MGAT5B: variants seen among roughly 807,000 people sequenced by gnomAD.
The protein encoded by MGAT5B is alpha-1,6-mannosylglycoprotein 6-beta-N-acetylglucosaminyltransferase B.
In MGAT5B, 54 loss-of-function variants were observed where a neutral mutation model predicts 95.1. The observed-to-expected ratio is 0.57, with a 90% CI of 0.46 to 0.71. The LOEUF (loss-of-function observed/expected upper bound fraction) is 0.71. MGAT5B is among the 30% of genes least tolerant of loss of function. The pLI, the probability that MGAT5B is intolerant of heterozygous loss-of-function variation, is 0.00. For synonymous variants in MGAT5B, 464 were observed against 451.0 expected (o/e 1.03, Z -0.36); for missense variants, 935 against 1,088.6 (o/e 0.86, Z 1.99).
intron 8 of MGAT5B, chr17:76,923,809 A>G (rs1311721684): frequency 6.6e-6 from 1 of 152,038 alleles, no homozygotes; most frequent in African/African-American, 2.4e-5. Flanking sequence ...TATCCTGAGG[A>G]CCCAGTGGGG....
chr17:76,870,638 A>G lies in MGAT5B; in HGVS notation c.68+1541A>G, dbSNP rs757780590. On this transcript the variant is annotated intron_variant, in intron 1 of 17. Transcript: ENST00000569840. This position sits in a 1 kb window ranked among gnomAD's most constrained non-coding sequence, Gnocchi z 5.0. ...TTCTTTCAGGCCCTTATCTGAAGGC[A>G]GGATTGGGGGTGGAGGTGCATGGGT... Among the ~76,000 whole-genome samples the G allele has an allele frequency of 6.6e-6, 1 of 151,976 alleles. No individual in the cohort carries two copies. Among genetic ancestry groups the G allele is most frequent in the Non-Finnish European group, 1.5e-5 (1 of 67,932 alleles).
chr17:76,943,513 C>T (rs1221684942), intron 15 of MGAT5B, among the ~76,000 whole-genome samples: 2 of 151,902 alleles, frequency 1.3e-5, no homozygotes, highest in Non-Finnish European at 2.9e-5. Context: ...GACCCAGCTT[C>T]GCGTGGGAAT....
Position 76,915,028 on chromosome 17 carries a change from C to G in MGAT5B, c.1025+8841C>G, listed in dbSNP as rs959636848. On this transcript the variant is annotated intron_variant, in intron 8 of 17. Coordinates refer to ENST00000569840, the MANE Select transcript of MGAT5B (RefSeq NM_001199172.2). This position sits in a 1 kb window ranked among gnomAD's most constrained non-coding sequence, Gnocchi z 8.7. ...TAACTTGATTACCTCTGCAAAGACC[C>G]TTTTTCCAAACAAAGTCACATTCAC... Among the ~76,000 whole-genome samples, 11 of 152,164 alleles carry G rather than the reference C, an allele frequency of 7.2e-5. No homozygotes were observed. The highest frequency in any genetic ancestry group is 2.4e-4 in the African/African-American group (10 of 41,434).
intron 1 of MGAT5B, among the ~76,000 whole-genome samples, chr17:76,871,106 C>T (rs1167778972): frequency 6.6e-6 from 1 of 152,128 alleles, no homozygotes; most frequent in Non-Finnish European, 1.5e-5. Flanking sequence ...AATACAACTC[C>T]TTCACTCCCC....
In MGAT5B at chr17:76,906,266, G is replaced by T; in HGVS notation, c.1025+79G>T. 8 of 1,414,252 alleles carry T rather than the reference G, an allele frequency of 5.7e-6. No individual in the cohort carries two copies. The South Asian group carries it at 1.1e-4, about 19-fold the overall frequency. The allele number at this position is 1,414,252 out of a possible 1,614,324, so 87.6% of individuals were successfully genotyped here. A position where few individuals can be genotyped will look rare whatever the true frequency, so the allele number is the denominator to read the frequency against. On this transcript the variant is annotated intron_variant, in intron 8 of 17. Transcript: ENST00000569840. This position sits in a 1 kb window ranked among gnomAD's most constrained non-coding sequence, Gnocchi z 4.6. ...GGAACCCCACCCCTCCCTCCCAGGG[G>T]CTGTGGGAGCACCTGCTCTGCCTGC...
At chr17:76,875,653 CTTTTT>C (rs547158669) in intron 2 of MGAT5B, among the ~76,000 whole-genome samples, 5 of 67,114 alleles carry the variant, frequency 7.5e-5, no homozygotes, top group Admixed American at 4.5e-4. Context: ...GTCACTTGCA[CTTTTT>C]TTTTTTTTTT....
intron 8 of MGAT5B, among the ~76,000 whole-genome samples, chr17:76,913,030 G>C (rs775851003): frequency 7.2e-5 from 11 of 152,220 alleles, no homozygotes; most frequent in Non-Finnish European, 1.3e-4. Flanking sequence ...CCATCCATGA[G>C]TGAAATTGGG....
At chr17:76,913,110 G>A (rs1270147336) in intron 8 of MGAT5B, among the ~76,000 whole-genome samples, 1 of 152,192 alleles carries the variant, frequency 6.6e-6, no homozygotes, top group Non-Finnish European at 1.5e-5. Context: ...TAAGTAAGGA[G>A]GACTAGGAGG....
chr17:76,925,211 A>AG, intron 9 of MGAT5B, 114 bp downstream of exon 9: 1 of 1,251,086 alleles, frequency 8.0e-7, no homozygotes, highest in South Asian at 1.3e-5. Context: ...GTGGGAGAAC[A>AG]TACTGTCCTG....
At chr17:76,927,141 G>C (rs541695545) in intron 10 of MGAT5B, among the ~76,000 whole-genome samples, 1 of 152,326 alleles carries the variant, frequency 6.6e-6, no homozygotes, top group Admixed American at 6.5e-5. Flanking sequence ...CAGTAAAGAG[G>C]GATGTGGGAA....
rs1970123983 is a variant in MGAT5B, at chr17:76,948,998, C to T, written c.*160C>T. Reference sequence around the variant, plus strand: ...GAAGCTGGCAGAGGAGAGCCGTGCCCGGGAATAGGAGGAGGCAGCATGCCG... The same window carrying T: ...GAAGCTGGCAGAGGAGAGCCGTGCCTGGGAATAGGAGGAGGCAGCATGCCG... On this transcript the variant is annotated 3_prime_UTR_variant, in exon 18 of 18. Transcript: ENST00000569840. 21 of 848,078 alleles carry T rather than the reference C, an allele frequency of 2.5e-5. No individual in the cohort carries two copies. The highest frequency in any genetic ancestry group is 3.6e-4 in the Middle Eastern group (1 of 2,786). The allele number at this position is 848,078 out of a possible 1,614,324, so 52.5% of individuals were successfully genotyped here.
In MGAT5B at chr17:76,889,264, AC is replaced by A. The variant is rs372229114; in HGVS notation, c.329+6969del. ...CTGCCAGACATCCTGGGACCTTGGG[AC>A]CCAGGCAGGCTCTTGAGGTCACAGT... is the stretch of plus-strand genomic sequence containing the variant. On this transcript the variant is annotated intron_variant, in intron 3 of 17. Coordinates refer to ENST00000569840, the MANE Select transcript of MGAT5B (RefSeq NM_001199172.2). The surrounding 1 kb of genome is among the most constrained non-coding windows in gnomAD (Gnocchi z 4.4). Among the ~76,000 whole-genome samples, 9 of 152,112 alleles carry A rather than the reference AC, an allele frequency of 5.9e-5. No homozygotes were observed. Among genetic ancestry groups the A allele is most frequent in the African/African-American group, 1.9e-4 (8 of 41,484 alleles).
At chr17:76,932,080 CCTCCT>C (rs1332233298) in intron 10 of MGAT5B, among the ~76,000 whole-genome samples, 180 of 77,772 alleles carry the variant, frequency 2.3e-3, no homozygotes, top group African/African-American at 9.4e-3. Context: ...TCCTCCTCCT[CCTCCT>C]CCCCCCCCCC....
intron 3 of MGAT5B, among the ~76,000 whole-genome samples, chr17:76,898,771 T>G (rs891238404): frequency 6.6e-6 from 1 of 152,218 alleles, no homozygotes; most frequent in Non-Finnish European, 1.5e-5. Context: ...TGTGAGATTT[T>G]GGTGCACACA....
At position 76,938,804 on chromosome 17, in the gene MGAT5B, G is replaced by A. The variant is rs547898468; in HGVS notation, c.1584+661G>A. Among the ~76,000 whole-genome samples, 4 of 152,152 alleles carry A rather than the reference G, an allele frequency of 2.6e-5. No individual in the cohort carries two copies. The highest frequency in any genetic ancestry group is 2.1e-4 in the South Asian group (1 of 4,814). ...CACAGTCCCCTCACCTCCACCTCCC[G>A]AGTAGCTGGGACTATTGGCATACAC... On this transcript the variant is annotated intron_variant, in intron 13 of 17. Transcript: ENST00000569840. The surrounding 1 kb of genome is among the most constrained non-coding windows in gnomAD (Gnocchi z 4.3).
At position 76,888,812 on chromosome 17, in the gene MGAT5B, C is replaced by T. The variant is rs77368984; in HGVS notation, c.329+6514C>T. ...ACCAGAGTTCCCCACTGGAGGGCCG[C>T]GTTGGTGGTATAGTGGTGAGCATAG... On this transcript the variant is annotated intron_variant, in intron 3 of 17. Transcript: ENST00000569840. Among the ~76,000 whole-genome samples the T allele has an allele frequency of 7.0e-3, 1,069 of 152,286 alleles. 9 individuals carry two copies. The highest frequency in any genetic ancestry group is 0.024 in the African/African-American group (1,000 of 41,556).
intron 3 of MGAT5B, among the ~76,000 whole-genome samples, chr17:76,887,473 T>TCCTCCCTCCCTCCCTCCCTCCCTC (rs1164605535): frequency 2.1e-4 from 4 of 19,004 alleles, no homozygotes; most frequent in Non-Finnish European, 3.9e-4. Context: ...CTCCCTCCCT[T>TCCTCCCTCCCTCCCTCCCTCCCTC]CCTCCCTCCC....
chr17:76,928,871 T>A (rs368350579), intron 10 of MGAT5B, among the ~76,000 whole-genome samples: 257 of 129,304 alleles, frequency 2.0e-3, no homozygotes, highest in African/African-American at 6.9e-3. Context: ...CTAGAGAATG[T>A]CATGAATAAT....
rs1968894381 is a variant in MGAT5B at position 76,915,429 on chromosome 17, T to C, written c.1025+9242T>C. Among the ~76,000 whole-genome samples, 1 of 151,830 alleles carries C rather than the reference T, an allele frequency of 6.6e-6. No homozygotes were observed. The highest frequency in any genetic ancestry group is 1.5e-5 in the Non-Finnish European group (1 of 67,980). On this transcript the variant is annotated intron_variant, in intron 8 of 17. Coordinates refer to ENST00000569840, the MANE Select transcript of MGAT5B (RefSeq NM_001199172.2). This position sits in a 1 kb window ranked among gnomAD's most constrained non-coding sequence, Gnocchi z 8.7. ...GGGAGAGCATTTCCCACAAGCCAGG[T>C]GGAGGCAGCGGGAGACGCGAGGAAG...
Sources: gnomAD v4.1 joint callset for allele counts (sites outside exome capture counted in the v4.1 genomes callset) on GRCh38, gnomAD v4.1.1 for gene constraint, Gnocchi (gnomAD v3.1) non-coding constraint, MANE v1.5 for transcripts, NCBI Gene and HGNC (gene_info 2026-07-23, HGNC 2026-07-21) for gene names.